Variants in AMOTL1 observed in about 807,000 individuals in gnomAD.
AMOTL1 encodes angiomotin like 1.
A neutral mutation model predicts 102.9 loss-of-function variants in AMOTL1; 45 were observed. That is an observed-to-expected ratio of 0.44 (90% CI 0.34 to 0.56). The LOEUF (loss-of-function observed/expected upper bound fraction) is 0.56. Ranked by LOEUF, AMOTL1 falls within the 20% of genes least tolerant of loss-of-function variation. The probability of loss-of-function intolerance (pLI) is 0.01; values close to 1 mark genes in which losing one functional copy is unlikely to be tolerated. For synonymous variants in AMOTL1, 481 were observed against 484.7 expected (o/e 0.99, Z 0.10); for missense variants, 1,114 against 1,225.6 (o/e 0.91, Z 1.36).
chr11:94,845,346 A>G (rs1952387317), intron 6 of AMOTL1, among the ~76,000 whole-genome samples: 1 of 152,250 alleles, frequency 6.6e-6, no homozygotes, highest in African/African-American at 2.4e-5. Context: ...AGACTAACGT[A>G]CGGGTGGAGA....
intron 4 of AMOTL1, among the ~76,000 whole-genome samples, chr11:94,829,090 G>T (rs954078168): frequency 6.6e-6 from 1 of 152,004 alleles, no homozygotes; most frequent in East Asian, 1.9e-4. Context: ...TAGATTAAAG[G>T]CTTCCCCAGT....
chr11:94,751,696 T>C (rs1950655985), intron 3 of AMOTL1, among the ~76,000 whole-genome samples: 1 of 138,500 alleles, frequency 7.2e-6, no homozygotes, highest in Admixed American at 6.9e-5. Context: ...TTATCTGCTT[T>C]GGCTAAAAAA....
intron 2 of AMOTL1, among the ~76,000 whole-genome samples, chr11:94,739,974 A>G (rs1021116814): frequency 1.3e-5 from 2 of 152,206 alleles, no homozygotes; most frequent in African/African-American, 4.8e-5. Context: ...AATCTTTTAT[A>G]GAGTAGAAGG....
At position 94,800,041 on chromosome 11, in the gene AMOTL1, A is replaced by G. The variant is rs1358589331; in HGVS notation, c.851A>G (p.Asn284Ser). ...GAKQHLPGSGNGKGFKVGGGP... is the reference protein window; with the variant it reads ...GAKQHLPGSGSGKGFKVGGGP... ...AAGCAACACCTTCCCGGCTCGGGGA[A>G]TGGAAAGGGCTTCAAAGTAGGAGGG... Residue 284 changes from asparagine (N) to serine (S), a missense_variant, in exon 3 of 13, where the codon AAT becomes AGT. Coordinates refer to ENST00000433060, the MANE Select transcript of AMOTL1 (RefSeq NM_130847.3). 1 of 1,613,964 alleles carries G rather than the reference A, an allele frequency of 6.2e-7. No individual in the cohort carries two copies. The highest frequency in any genetic ancestry group is 1.7e-5 in the Admixed American group (1 of 60,020).
chr11:94,746,138 A>T (rs796241894), intron 3 of AMOTL1, among the ~76,000 whole-genome samples: 28 of 152,338 alleles, frequency 1.8e-4, no homozygotes, highest in African/African-American at 6.5e-4. Context: ...GTCACCAAAA[A>T]GGGGATTTTT....
chr11:94,859,441 G>A, intron 8 of AMOTL1, 84 bp from the exon 9 acceptor site: 4 of 1,314,436 alleles, frequency 3.0e-6, no homozygotes, highest in Non-Finnish European at 4.1e-6. Flanking sequence ...AGGATCTGGG[G>A]AACCTCATGT....
At chr11:94,721,591 A>G (rs974555364) in intron 1 of AMOTL1, among the ~76,000 whole-genome samples, 1 of 152,118 alleles carries the variant, frequency 6.6e-6, no homozygotes, top group African/African-American at 2.4e-5. Flanking sequence ...TCTTTCCACT[A>G]CATGAGGACA....
chr11:94,770,145 C>A (rs761905880), intron 1 of AMOTL1, among the ~76,000 whole-genome samples: 1 of 152,136 alleles, frequency 6.6e-6, no homozygotes, highest in Non-Finnish European at 1.5e-5. Context: ...TGGGCCCGGG[C>A]AGCTGTGGAA....
At chr11:94,795,780 A>G (rs1413884946) in intron 2 of AMOTL1, among the ~76,000 whole-genome samples, 2 of 152,226 alleles carry the variant, frequency 1.3e-5, no homozygotes, top group Non-Finnish European at 2.9e-5. Flanking sequence ...ATCCAAATAC[A>G]TCATTCTCCT....
intron 1 of AMOTL1, among the ~76,000 whole-genome samples, chr11:94,715,555 C>A (rs1565324308): frequency 6.6e-6 from 1 of 152,046 alleles, no homozygotes. Context: ...GTGACAAATT[C>A]TCTTAGTTTT....
chr11:94,720,143 T>C (rs1280810825), intron 1 of AMOTL1, among the ~76,000 whole-genome samples: 3 of 152,028 alleles, frequency 2.0e-5, no homozygotes, highest in Admixed American at 6.6e-5. Context: ...GCAGGCTAAG[T>C]CCTGGCATGA....
intron 3 of AMOTL1, among the ~76,000 whole-genome samples, chr11:94,759,932 A>G (rs1443323125): frequency 2.0e-5 from 3 of 152,246 alleles, no homozygotes; most frequent in Non-Finnish European, 4.4e-5. Context: ...AGTGTGGTCC[A>G]TGGACAAGCA....
intron 1 of AMOTL1, among the ~76,000 whole-genome samples, chr11:94,791,303 C>A (rs113819240): frequency 6.6e-6 from 1 of 152,298 alleles, no homozygotes; most frequent in Admixed American, 6.5e-5. Context: ...GCAGCAAAAA[C>A]AGATCTTTAG....
At chr11:94,714,230 A>G (rs964360930) in intron 1 of AMOTL1, among the ~76,000 whole-genome samples, 2 of 152,056 alleles carry the variant, frequency 1.3e-5, no homozygotes, top group African/African-American at 4.8e-5. Context: ...AGCTGAAATA[A>G]ATCTCATTTG....
chr11:94,864,661 C>A, intron 9 of AMOTL1, 74 bp from the exon 10 acceptor site: 1 of 1,556,288 alleles, frequency 6.4e-7, no homozygotes. Context: ...CCAGCCTCTC[C>A]ATTCTGTGTC....
chr11:94,850,342 A>G (rs1952508740), intron 7 of AMOTL1, 83 bp downstream of exon 7: 3 of 1,459,022 alleles, frequency 2.1e-6, no homozygotes, highest in African/African-American at 2.9e-5. Flanking sequence ...TAACCCACCT[A>G]CTTTAACCAG....
At position 94,872,823 on chromosome 11, in the gene AMOTL1, A is replaced by G. The variant is rs1953025889; in HGVS notation, c.*2028A>G. Reference sequence around the variant, plus strand: ...GAAGAGGGCACAGGAGGCCTCATCCATGGGGGAAAGGGTTGAGGATGGACA... The same window carrying G: ...GAAGAGGGCACAGGAGGCCTCATCCGTGGGGGAAAGGGTTGAGGATGGACA... On this transcript the variant is annotated 3_prime_UTR_variant, in exon 13 of 13. Coordinates refer to ENST00000433060, the MANE Select transcript of AMOTL1 (RefSeq NM_130847.3). 6.6e-6 allele frequency: 1 copy of G among 152,244 alleles called. No individual in the cohort carries two copies. The highest frequency in any genetic ancestry group is 1.5e-5 in the Non-Finnish European group (1 of 68,082). The allele number at this position is 152,244 out of a possible 1,614,324, so 9.4% of individuals were successfully genotyped here.
intron 1 of AMOTL1, among the ~76,000 whole-genome samples, chr11:94,776,359 C>T (rs1018338515): frequency 1.2e-4 from 19 of 152,210 alleles, no homozygotes; most frequent in Non-Finnish European, 2.9e-5. Flanking sequence ...TTGCATGTCT[C>T]TACAGCTAAA....
chr11:94,867,358 T>C (rs1952905095), intron 11 of AMOTL1, among the ~76,000 whole-genome samples: 1 of 152,190 alleles, frequency 6.6e-6, no homozygotes, highest in Non-Finnish European at 1.5e-5. Context: ...TGGGAGGCAG[T>C]GCTGAGCCAG....
Sources: allele counts gnomAD v4.1 joint callset (sites outside exome capture counted in the v4.1 genomes callset), GRCh38; gene constraint gnomAD v4.1.1; transcripts MANE v1.5; gene names NCBI Gene and HGNC (gene_info 2026-07-23, HGNC 2026-07-21).